The following ZNF484 variants were observed in gnomAD, a reference collection of about 807,000 sequenced individuals.
ZNF484 encodes KRAB box containing C2H2 type zinc finger bA526D8.4.
A neutral mutation model predicts 12.9 loss-of-function variants in ZNF484; 11 were observed. The ratio of observed to expected loss-of-function variants is 0.85; its 90% CI spans 0.54 to 1.41. The LOEUF is 1.41. ZNF484 is among the 40% of genes most tolerant of loss of function. The pLI is 0.00. For missense variants in ZNF484, 807 were observed against 1,007.7 expected (o/e 0.80, Z 2.70); for synonymous variants, 289 against 334.1 (o/e 0.86, Z 1.47).
rs745798233 is a variant in ZNF484 at position 92,846,964 on chromosome 9, T to C, written c.1823A>G (p.Tyr608Cys). 14 of 1,614,030 alleles carry C rather than the reference T, an allele frequency of 8.7e-6. No homozygotes were observed. The Admixed American group carries it at 1.5e-4, about 17-fold the overall frequency. Reference protein sequence around the residue: ...HERIHTGEKPYECSICGKSFT... With the variant: ...HERIHTGEKPCECSICGKSFT... ...GGATTTCCCACAAATACTGCATTCA[T>C]AGGGTTTCTCTCCAGTATGAATTCT... Residue 608 changes from tyrosine to cysteine, a missense_variant, in exon 5 of 5, where the codon TAT becomes TGT. Transcript: ENST00000375495.
chr9:92,844,676 A>T lies in ZNF484; in HGVS notation c.*1552T>A, dbSNP rs1855487838. 6.6e-6 allele frequency among the ~76,000 whole-genome samples: 1 copy of T among 152,234 alleles called. No individual in the cohort carries two copies. ...AAAATACTAATAGAAAACAACTTTC[A>T]ACTTAGAATTCTATATTCAGTAAAA... On this transcript the variant is annotated 3_prime_UTR_variant, in exon 5 of 5. Coordinates refer to ENST00000375495, the MANE Select transcript of ZNF484 (RefSeq NM_031486.4).
At chr9:92,875,447 C>T (rs977933395) in intron 1 of ZNF484, among the ~76,000 whole-genome samples, 2 of 152,034 alleles carry the variant, frequency 1.3e-5, no homozygotes, top group East Asian at 1.9e-4. Flanking sequence ...CAATTGGTGC[C>T]CAGAGACTAC....
chr9:92,874,336 A>G, intron 2 of ZNF484, among the ~76,000 whole-genome samples: 1 of 140,884 alleles, frequency 7.1e-6, no homozygotes, highest in Admixed American at 7.4e-5. Context: ...TTTGAGACAG[A>G]GTTTCGCTCT....
intron 2 of ZNF484, among the ~76,000 whole-genome samples, chr9:92,872,796 C>G (rs1480664998): frequency 2.0e-5 from 3 of 151,596 alleles, no homozygotes; most frequent in Non-Finnish European, 4.4e-5. Flanking sequence ...TATTTTTAAG[C>G]AACTAAATTT....
chr9:92,874,098 C>A (rs1001705699), intron 2 of ZNF484, among the ~76,000 whole-genome samples: 1 of 152,162 alleles, frequency 6.6e-6, no homozygotes, highest in African/African-American at 2.4e-5. Flanking sequence ...ATTCAACTCC[C>A]ATTCACGATA....
intron 2 of ZNF484, among the ~76,000 whole-genome samples, 188 bp from the exon 3 acceptor site, chr9:92,856,506 A>T (rs1856472832): frequency 6.6e-6 from 1 of 152,246 alleles, no homozygotes; most frequent in African/African-American, 2.4e-5. Context: ...AAATAATTTT[A>T]AAAATGGGTA....
chr9:92,847,453 CAGTCA>C lies in ZNF484; in HGVS notation c.1329_1333del (p.Ser443ArgfsTer7). On this transcript the variant is annotated frameshift_variant, in exon 5 of 5. Transcript: ENST00000375495. LOFTEE classifies it low-confidence loss of function (END_TRUNC). ...TGATTTTTTAATAAAGGATTTCCCA[CAGTCA>C]CTGCATTCATAGGGTTTTTCTCCAG... 1 of 1,613,066 alleles carries C rather than the reference CAGTCA, an allele frequency of 6.2e-7. No homozygotes were observed. Among genetic ancestry groups the C allele is most frequent in the East Asian group, 2.2e-5 (1 of 44,864 alleles).
At chr9:92,876,054 G>GTAC (rs200809269) in intron 1 of ZNF484, among the ~76,000 whole-genome samples, 1 of 152,126 alleles carries the variant, frequency 6.6e-6, no homozygotes, top group Admixed American at 6.5e-5. Context: ...ACTGGAAGAA[G>GTAC]TCCAAATAAA....
At position 92,846,397 on chromosome 9, in the gene ZNF484, A is replaced by T. The variant is rs1855595667; in HGVS notation, c.2390T>A (p.Ile797Asn). 1 of 1,613,948 alleles carries T rather than the reference A, an allele frequency of 6.2e-7. No individual in the cohort carries two copies. Among genetic ancestry groups the T allele is most frequent in the Non-Finnish European group, 8.5e-7 (1 of 1,179,976 alleles). Reference protein sequence around the residue: ...IRSNLIKHQKIHTKQKPYKCS... With the variant: ...IRSNLIKHQKNHTKQKPYKCS... ...CTTATAGGGTTTCTGTTTAGTATGAATTTTCTGGTGTTTAATAAGATTTGA... is the reference window on the plus strand; with the variant it reads ...CTTATAGGGTTTCTGTTTAGTATGATTTTTCTGGTGTTTAATAAGATTTGA... Residue 797 changes from isoleucine (I) to asparagine (N), a missense_variant, in exon 5 of 5, where the codon ATT (isoleucine) becomes AAT (asparagine). Coordinates refer to ENST00000375495, the MANE Select transcript of ZNF484 (RefSeq NM_031486.4).
Position 92,846,596 on chromosome 9 carries a change from G to C in ZNF484, c.2191C>G (p.Gln731Glu). 1 of 1,613,692 alleles carries C rather than the reference G, an allele frequency of 6.2e-7. No homozygotes were observed. Among genetic ancestry groups the C allele is most frequent in the Non-Finnish European group, 8.5e-7 (1 of 1,179,888 alleles). Residue 731 changes from glutamine to glutamate, a missense_variant, in exon 5 of 5, where the codon CAG becomes GAG. Coordinates refer to ENST00000375495, the MANE Select transcript of ZNF484 (RefSeq NM_031486.4). The stretch of plus-strand genomic sequence containing the variant: ...CTGTGTCTATTTAAGTGTGACTTCT[G>C]GATGAAGGATTTCCCACATTCATTA... ...ICNECGKSFIQKSHLNRHRRI... is the reference protein window; with the variant it reads ...ICNECGKSFIEKSHLNRHRRI...
At position 92,847,990 on chromosome 9, in the gene ZNF484, G is replaced by T. The variant is rs754588691; in HGVS notation, c.797C>A (p.Ala266Asp). ...YVNVFSPKSH[A>D]FAHESICAEE... ...AGCACAAATACTCTCATGTGCAAAG[G>T]CATGTGACTTCGGGGAGAAAACATT... The change falls in exon 5 of 5, where the codon GCC (alanine) becomes GAC (aspartate). Residue 266 changes from alanine (A) to aspartate (D), a missense_variant. Transcript: ENST00000375495. 1.9e-6 allele frequency: 3 copies of T among 1,614,194 alleles called. No homozygotes were observed. Among genetic ancestry groups the T allele is most frequent in the Non-Finnish European group, 2.5e-6 (3 of 1,180,050 alleles).
At chr9:92,849,644 A>C (rs1855940354) in intron 4 of ZNF484, among the ~76,000 whole-genome samples, 1 of 151,982 alleles carries the variant, frequency 6.6e-6, no homozygotes, top group Non-Finnish European at 1.5e-5. Flanking sequence ...AAAAACAATT[A>C]GCTGGGCCTA....
chr9:92,877,436 GA>G (rs1185486111), intron 1 of ZNF484, among the ~76,000 whole-genome samples: 6 of 142,474 alleles, frequency 4.2e-5, no homozygotes, highest in Admixed American at 4.1e-4. Context: ...GGATATGAAA[GA>G]GAACAAAATG....
rs1416276142 is a variant in ZNF484 at position 92,846,907 on chromosome 9, T to A, written c.1880A>T (p.Gln627Leu). The change falls in exon 5 of 5, where the codon CAG becomes CTG. Residue 627 changes from glutamine to leucine, a missense_variant. Coordinates refer to ENST00000375495, the MANE Select transcript of ZNF484 (RefSeq NM_031486.4). ...GGGTTTCTCTCCTGTGTGAATCTGCTGATGTACGTGGAGCTGTGATTTCTT... is the reference window on the plus strand; with the variant it reads ...GGGTTTCTCTCCTGTGTGAATCTGCAGATGTACGTGGAGCTGTGATTTCTT... The part of the protein sequence containing the change: ...FTKKSQLHVH[Q>L]QIHTGEKPYR... 5.0e-6 allele frequency: 8 copies of A among 1,614,034 alleles called. No homozygotes were observed. Among genetic ancestry groups the A allele is most frequent in the Non-Finnish European group, 6.8e-6 (8 of 1,180,002 alleles).
At chr9:92,849,613 C>G (rs1365894956) in intron 4 of ZNF484, among the ~76,000 whole-genome samples, 1 of 151,914 alleles carries the variant, frequency 6.6e-6, no homozygotes, top group Non-Finnish European at 1.5e-5. Context: ...TAGTGAGACC[C>G]CCATCTCTAC....
At chr9:92,851,327 T>C (rs1856061608) in intron 4 of ZNF484, among the ~76,000 whole-genome samples, 1 of 152,244 alleles carries the variant, frequency 6.6e-6, no homozygotes, top group Non-Finnish European at 1.5e-5. Flanking sequence ...TATTTTACAT[T>C]TTTAAATGGT....
Position 92,856,292 on chromosome 9 carries a change from A to C in ZNF484, c.42T>G (p.Thr14=). The C allele has an allele frequency of 6.2e-7, 1 of 1,607,108 alleles. No homozygotes were observed. The highest frequency in any genetic ancestry group is 2.2e-5 in the East Asian group (1 of 44,816). The change falls in exon 3 of 5, where the codon ACT becomes ACG. Residue 14 remains threonine, a synonymous_variant. Coordinates refer to ENST00000375495, the MANE Select transcript of ZNF484 (RefSeq NM_031486.4). ...SLESVSFKDV[T]VDFSRDEWQQ... is the part of the protein sequence containing the mutation. ...GCCACTCATCCCTACTGAAGTCTAC[A>C]GTTACGTCCTTGAATGACACTGATT...
chr9:92,852,667 G>C (rs531828439), intron 4 of ZNF484, among the ~76,000 whole-genome samples: 1 of 150,910 alleles, frequency 6.6e-6, no homozygotes, highest in East Asian at 1.9e-4. Flanking sequence ...CTCCTGAGTA[G>C]CTGGGATTAC....
intron 4 of ZNF484, 104 bp downstream of exon 4, chr9:92,855,707 C>T: frequency 1.0e-6 from 1 of 994,700 alleles, no homozygotes. Flanking sequence ...TTCTAAAAGT[C>T]ATTATTAATG....
Sources: gnomAD v4.1 joint callset for allele counts (sites outside exome capture counted in the v4.1 genomes callset) on GRCh38, gnomAD v4.1.1 for gene constraint, MANE v1.5 for transcripts, NCBI Gene and HGNC (gene_info 2026-07-23, HGNC 2026-07-21) for gene names.